The following VOPP1 variants were observed in gnomAD, a reference collection of about 807,000 sequenced individuals.
VOPP1 encodes the protein WW domain binding protein VOPP1.
Under a neutral mutation model 23.5 loss-of-function variants are expected in VOPP1, and 8 were observed. The observed-to-expected ratio is 0.34, with a 90% CI of 0.20 to 0.61. The LOEUF is 0.61. Ranked by LOEUF, VOPP1 falls within the 20% of genes least tolerant of loss-of-function variation. VOPP1 has a pLI of 0.78. For synonymous variants in VOPP1, 83 were observed against 97.3 expected, an observed-to-expected ratio of 0.85 and a Z score of 0.86; for missense variants, 174 against 238.1, an observed-to-expected ratio of 0.73 and a Z score of 1.77.
intron 1 of VOPP1, chr7:55,552,641 C>A: frequency 6.5e-7 from 1 of 1,536,018 alleles, no homozygotes; most frequent in Non-Finnish European, 8.7e-7. Flanking sequence ...TCCAAAGTTG[C>A]CCTTTTCCTA....
At chr7:55,443,550 T>C (rs1791020472) in intron 4 of VOPP1, among the ~76,000 whole-genome samples, 1 of 151,900 alleles carries the variant, frequency 6.6e-6, no homozygotes, top group Non-Finnish European at 1.5e-5. Flanking sequence ...AGAGACTCTG[T>C]CTCAAAAAAC....
At chr7:55,547,908 G>A (rs912900673) in intron 1 of VOPP1, among the ~76,000 whole-genome samples, 1 of 152,102 alleles carries the variant, frequency 6.6e-6, no homozygotes, top group African/African-American at 2.4e-5. Flanking sequence ...ACTACCCTGT[G>A]CACAGAGAAT....
At chr7:55,528,336 T>C (rs1366350527) in intron 1 of VOPP1, among the ~76,000 whole-genome samples, 1 of 152,256 alleles carries the variant, frequency 6.6e-6, no homozygotes, top group Non-Finnish European at 1.5e-5. Context: ...CTAGAGATGA[T>C]TGTTTTCCAC....
intron 3 of VOPP1, chr7:55,493,079 G>A (rs566678262): frequency 1.0e-3 from 157 of 152,348 alleles, no homozygotes; most frequent in African/African-American, 3.6e-3. Context: ...AACTCTTTAA[G>A]GGTAGCACCT....
Position 55,455,458 on chromosome 7 carries a change from A to AT in VOPP1, n.418-19285dup, listed in dbSNP as rs753786781. On this transcript the variant is annotated intron_variant and non_coding_transcript_variant, in intron 4 of 4. Coordinates refer to the VOPP1 transcript ENST00000462326. ...CAGAATTGGAAAAAAACTACTTTCA[A>AT]TTTCATATGGAACCAAAAAAGAGCC... 6.6e-5 allele frequency among the ~76,000 whole-genome samples: 10 copies of AT among 152,322 alleles called. No individual in the cohort carries two copies. The East Asian group carries it at 1.9e-3, about 29-fold the overall frequency.
intron 4 of VOPP1, among the ~76,000 whole-genome samples, chr7:55,483,389 T>C (rs144702570): frequency 9.9e-5 from 15 of 152,226 alleles, no homozygotes; most frequent in African/African-American, 3.6e-4. Flanking sequence ...GTTATGATTA[T>C]CATCCCTCAT....
intron 1 of VOPP1, among the ~76,000 whole-genome samples, chr7:55,558,511 A>T (rs1285333107): frequency 2.0e-5 from 3 of 152,164 alleles, no homozygotes; most frequent in African/African-American, 7.2e-5. Context: ...GCACACCTGC[A>T]GGGGTGACAG....
At chr7:55,503,689 G>C (rs1018264155) in intron 2 of VOPP1, among the ~76,000 whole-genome samples, 2 of 152,170 alleles carry the variant, frequency 1.3e-5, no homozygotes, top group Non-Finnish European at 2.9e-5. Flanking sequence ...TGACAGGGTT[G>C]GGGGTCTCTG....
chr7:55,470,262 C>T (rs1449453493), downstream of VOPP1, among the ~76,000 whole-genome samples: 4 of 152,266 alleles, frequency 2.6e-5, no homozygotes, highest in South Asian at 4.2e-4. Context: ...GTAGCAGCTA[C>T]ACCCTTCAGC....
chr7:55,505,192 C>T (rs998451881), intron 2 of VOPP1, among the ~76,000 whole-genome samples: 4 of 152,192 alleles, frequency 2.6e-5, no homozygotes, highest in African/African-American at 9.7e-5. Flanking sequence ...GGCAACTTTG[C>T]TCCTCCTCTC....
chr7:55,465,705 G>A (rs1339571723), downstream of VOPP1, among the ~76,000 whole-genome samples: 4 of 152,202 alleles, frequency 2.6e-5, no homozygotes, highest in Non-Finnish European at 4.4e-5. Context: ...TTATAGTTGA[G>A]GAAACTGAGA....
At chr7:55,542,436 G>C (rs1488096487) in intron 1 of VOPP1, among the ~76,000 whole-genome samples, 3 of 152,222 alleles carry the variant, frequency 2.0e-5, no homozygotes, top group Non-Finnish European at 2.9e-5. Flanking sequence ...TCCAGCCTCT[G>C]GTAACCACTC....
chr7:55,465,241 G>A (rs1346520041), intron 4 of VOPP1, among the ~76,000 whole-genome samples: 1 of 152,178 alleles, frequency 6.6e-6, no homozygotes. Flanking sequence ...TTTACACTTC[G>A]AGGTTTGTTC....
At chr7:55,509,535 T>C (rs532631571) in intron 2 of VOPP1, among the ~76,000 whole-genome samples, 7 of 152,264 alleles carry the variant, frequency 4.6e-5, no homozygotes, top group Admixed American at 1.3e-4. Context: ...TACTAATACA[T>C]TGGGTGTTAG....
intron 1 of VOPP1, among the ~76,000 whole-genome samples, chr7:55,555,412 T>C (rs1797768767): frequency 6.6e-6 from 1 of 152,252 alleles, no homozygotes; most frequent in Non-Finnish European, 1.5e-5. Flanking sequence ...ACCGCACAGA[T>C]GACCTTTGCT....
At chr7:55,475,539 C>G (rs956360403) in intron 4 of VOPP1, among the ~76,000 whole-genome samples, 2 of 152,108 alleles carry the variant, frequency 1.3e-5, no homozygotes, top group Non-Finnish European at 2.9e-5. Flanking sequence ...AAAATAGTGA[C>G]AAGGAGCGAC....
At chr7:55,547,994 T>C (rs1191360463) in intron 1 of VOPP1, among the ~76,000 whole-genome samples, 1 of 152,104 alleles carries the variant, frequency 6.6e-6, no homozygotes, top group African/African-American at 2.4e-5. Flanking sequence ...AAGGGCTTTC[T>C]AAAAATTTCC....
At chr7:55,436,094 G>A (rs1790815390) in exon 5 of VOPP1, 1 of 152,406 alleles carries the variant, frequency 6.6e-6, no homozygotes, top group African/African-American at 2.4e-5. Flanking sequence ...AGGAAAGTGG[G>A]GGTCAGCTCA....
chr7:55,441,102 C>T (rs576775841), intron 4 of VOPP1, among the ~76,000 whole-genome samples: 1 of 152,332 alleles, frequency 6.6e-6, no homozygotes, highest in South Asian at 2.1e-4. Context: ...GGACCATTTT[C>T]TGTTTCTAAG....
Sources: allele counts gnomAD v4.1 joint callset (sites outside exome capture counted in the v4.1 genomes callset), GRCh38; gene constraint gnomAD v4.1.1; transcripts MANE v1.5; gene names NCBI Gene and HGNC (gene_info 2026-07-23, HGNC 2026-07-21).